Variants in ATCAY observed in about 807,000 individuals in gnomAD.
The protein encoded by ATCAY is caytaxin.
In ATCAY, 22 loss-of-function variants were observed where a neutral mutation model predicts 47.7. That is an observed-to-expected ratio of 0.46 (90% confidence interval 0.33 to 0.66). The LOEUF (loss-of-function observed/expected upper bound fraction) is 0.66, where lower values mean the gene tolerates loss of function less well. Ranked by LOEUF, ATCAY falls within the 30% of genes least tolerant of loss-of-function variation. The pLI is 0.02. For missense variants in ATCAY, 452 were observed against 515.0 expected (o/e 0.88, Z 1.18); for synonymous variants, 216 against 207.6 (o/e 1.04, Z -0.35).
At chr19:3,913,648 C>T in intron 8 of ATCAY, 110 bp from the exon 9 acceptor site, 2 of 768,944 alleles carry the variant, frequency 2.6e-6, no homozygotes, top group Non-Finnish European at 4.5e-6. Context: ...CTGGGGCATC[C>T]TGGAGTGGGG....
At chr19:3,914,223 G>C (rs192094331) in intron 9 of ATCAY, among the ~76,000 whole-genome samples, 1 of 68,660 alleles carries the variant, frequency 1.5e-5, no homozygotes, top group Non-Finnish European at 2.4e-5. Flanking sequence ...GCCACAGAGC[G>C]AGACTCCATC....
At chr19:3,890,283 G>C (rs1308661599) in intron 2 of ATCAY, among the ~76,000 whole-genome samples, 3 of 72,400 alleles carry the variant, frequency 4.1e-5, no homozygotes, top group Non-Finnish European at 7.1e-5. Flanking sequence ...TTTTTTTGCA[G>C]ACAAAGTCTC....
At chr19:3,922,377 C>T (rs984551922) in intron 12 of ATCAY, among the ~76,000 whole-genome samples, 9 of 152,218 alleles carry the variant, frequency 5.9e-5, no homozygotes, top group Non-Finnish European at 1.2e-4. Flanking sequence ...CTTCACCAGG[C>T]AGCAGGAGCG....
At chr19:3,917,642 A>C (rs2038978175) in intron 9 of ATCAY, 100 bp from the exon 10 acceptor site, 1 of 1,283,806 alleles carries the variant, frequency 7.8e-7, no homozygotes, top group Admixed American at 2.3e-5. Flanking sequence ...GAAAGAAAAA[A>C]GAGAGCTTGT....
chr19:3,900,194 CTCTT>C (rs1038715259), intron 2 of ATCAY, among the ~76,000 whole-genome samples: 1 of 145,878 alleles, frequency 6.9e-6, no homozygotes, highest in African/African-American at 2.5e-5. Flanking sequence ...TTTCTTTTCT[CTCTT>C]TTTTTTTTTA....
chr19:3,912,211 A>G (rs10420048), intron 8 of ATCAY, among the ~76,000 whole-genome samples: 111,152 of 151,916 alleles, frequency 0.73, 42,055 homozygotes, highest in East Asian at 0.98. Context: ...CATGGCTCAC[A>G]CCTGTAATCC....
At chr19:3,922,259 G>A (rs2039027414) in intron 12 of ATCAY, 2 of 698,842 alleles carry the variant, frequency 2.9e-6, no homozygotes, top group South Asian at 1.5e-5. Flanking sequence ...CTGCTATGAA[G>A]AAATACCCAA....
At chr19:3,881,518 G>A (rs1276442136) in intron 1 of ATCAY, among the ~76,000 whole-genome samples, 1 of 151,906 alleles carries the variant, frequency 6.6e-6, no homozygotes, top group African/African-American at 2.4e-5. Context: ...TTAATAATCA[G>A]ACATCAGGGC....
At chr19:3,887,598 T>C (rs1006015732) in intron 2 of ATCAY, among the ~76,000 whole-genome samples, 6 of 151,082 alleles carry the variant, frequency 4.0e-5, no homozygotes, top group Non-Finnish European at 1.5e-5. Flanking sequence ...GCCATTCTCC[T>C]GCCTCAGCCT....
intron 2 of ATCAY, among the ~76,000 whole-genome samples, chr19:3,893,295 T>C (rs1411568426): frequency 6.6e-6 from 1 of 150,862 alleles, no homozygotes; most frequent in Non-Finnish European, 1.5e-5. Flanking sequence ...TGCCTCAGCC[T>C]CCCAAGTAGC....
chr19:3,893,672 G>A (rs1349842699), intron 2 of ATCAY: 1 of 152,214 alleles, frequency 6.6e-6, no homozygotes, highest in Non-Finnish European at 1.5e-5. Flanking sequence ...GAACAGGCGG[G>A]GAGAGCTTGC....
chr19:3,913,838 T>TC lies in ATCAY; in HGVS notation c.950dup (p.Asp318ArgfsTer30). ...CTCATCCCTATGGAACACGTCCAGATCCCAGACTGCGTCCTGCAGTGAGTG... is the reference window on the plus strand; with the variant it reads ...CTCATCCCTATGGAACACGTCCAGATCCCCAGACTGCGTCCTGCAGTGAGTG... On this transcript the variant is annotated frameshift_variant, in exon 9 of 13. Transcript: ENST00000450849. LOFTEE classifies it high-confidence loss of function. 1 of 1,613,622 alleles carries TC rather than the reference T, an allele frequency of 6.2e-7. No individual in the cohort carries two copies.
At chr19:3,915,325 G>T (rs1248025501) in intron 9 of ATCAY, among the ~76,000 whole-genome samples, 1 of 135,330 alleles carries the variant, frequency 7.4e-6, no homozygotes, top group South Asian at 2.6e-4. Flanking sequence ...GGCATGAGCC[G>T]CCATGCCTGG....
Position 3,885,829 on chromosome 19 carries a change from A to G in ATCAY, c.62A>G (p.Asp21Gly). 1.9e-6 allele frequency: 3 copies of G among 1,552,162 alleles called. No homozygotes were observed. Among genetic ancestry groups the G allele is most frequent in the Non-Finnish European group, 2.6e-6 (3 of 1,147,720 alleles). Residue 21 changes from aspartate to glycine, a missense_variant, in exon 2 of 13, where the codon GAC (aspartate) becomes GGC (glycine). By Grantham distance (94) the Asp-to-Gly change is moderately conservative. Transcript: ENST00000450849. ...ENVDVKEEWQ[D>G]EDLPRPLPEE... is the part of the protein sequence containing the mutation. ...GTGGACGTGAAGGAGGAATGGCAGG[A>G]CGAAGATCTTCCCAGGTAGGACTTC...
chr19:3,881,247 G>A (rs1337386683), intron 1 of ATCAY, among the ~76,000 whole-genome samples: 2 of 151,964 alleles, frequency 1.3e-5, no homozygotes, highest in African/African-American at 4.8e-5. Context: ...CCCTCTAAGT[G>A]CACCATTTTC....
chr19:3,911,921 G>A (rs1288806105), intron 8 of ATCAY, among the ~76,000 whole-genome samples: 1 of 152,088 alleles, frequency 6.6e-6, no homozygotes, highest in Non-Finnish European at 1.5e-5. Context: ...CCCTGAAGGG[G>A]CTTATTTGCA....
intron 12 of ATCAY, chr19:3,922,246 A>G (rs1375988982): frequency 4.3e-6 from 3 of 700,316 alleles, no homozygotes; most frequent in East Asian, 2.7e-5. Context: ...GTCCATTCTC[A>G]TGCTGCTATG....
chr19:3,913,918 C>A, intron 9 of ATCAY, 62 bp downstream of exon 9: 1 of 1,453,114 alleles, frequency 6.9e-7, no homozygotes, highest in South Asian at 1.2e-5. Flanking sequence ...GATAAAGACA[C>A]ACCTGAGACA....
intron 12 of ATCAY, among the ~76,000 whole-genome samples, chr19:3,921,667 G>A (rs1378772132): frequency 2.0e-5 from 3 of 152,090 alleles, no homozygotes; most frequent in African/African-American, 7.2e-5. Context: ...GGAGGCCGAG[G>A]CAGGTGGATC....
Sources: allele counts gnomAD v4.1 joint callset (sites outside exome capture counted in the v4.1 genomes callset), GRCh38; gene constraint gnomAD v4.1.1; transcripts MANE v1.5; gene names NCBI Gene and HGNC (gene_info 2026-07-23, HGNC 2026-07-21).